Variants in STRN3 observed in about 807,000 individuals in gnomAD.
STRN3 encodes striatin 3.
In STRN3, 29 loss-of-function variants were observed where a neutral mutation model predicts 95.6. That is an observed-to-expected ratio of 0.30 (90% CI 0.23 to 0.41). The LOEUF is 0.41. Ranked by LOEUF, STRN3 falls within the 10% of genes least tolerant of loss-of-function variation. STRN3 has a pLI of 1.00. For missense variants in STRN3, 890 were observed against 972.1 expected (o/e 0.92, Z 1.12); for synonymous variants, 331 against 357.6 (o/e 0.93, Z 0.84).
intron 1 of STRN3, among the ~76,000 whole-genome samples, chr14:30,984,281 A>AC (rs1343622461): frequency 1.3e-5 from 2 of 149,820 alleles, no homozygotes; most frequent in Admixed American, 6.6e-5. Flanking sequence ...AAAAAAAAAA[A>AC]AAAAAAAAAA....
At chr14:30,984,926 G>C (rs902266120) in intron 1 of STRN3, among the ~76,000 whole-genome samples, 3 of 152,134 alleles carry the variant, frequency 2.0e-5, no homozygotes, top group Non-Finnish European at 4.4e-5. Context: ...ATGAGGATTA[G>C]GCATTTAGAA....
intron 5 of STRN3, among the ~76,000 whole-genome samples, chr14:30,946,276 C>T (rs1879353547): frequency 2.0e-5 from 3 of 152,200 alleles, no homozygotes; most frequent in African/African-American, 7.2e-5. Context: ...GGTACGGTGG[C>T]TCATGCCTGT....
intron 8 of STRN3, among the ~76,000 whole-genome samples, chr14:30,921,079 C>CACACAA (rs1896871133): frequency 8.8e-6 from 1 of 113,418 alleles, no homozygotes; most frequent in Non-Finnish European, 2.1e-5. Context: ...TATACACACA[C>CACACAA]ACACACACAC....
At chr14:30,965,397 T>C (rs1369561996) in intron 1 of STRN3, among the ~76,000 whole-genome samples, 1 of 152,138 alleles carries the variant, frequency 6.6e-6, no homozygotes. Flanking sequence ...GGTTGGCTCC[T>C]TAAGTGCATG....
At chr14:30,970,482 A>G (rs1196079309) in intron 1 of STRN3, among the ~76,000 whole-genome samples, 1 of 152,132 alleles carries the variant, frequency 6.6e-6, no homozygotes, top group Non-Finnish European at 1.5e-5. Flanking sequence ...AGCTAAACCA[A>G]TGCAATCCTA....
At chr14:30,942,397 G>C (rs113172853) in intron 5 of STRN3, among the ~76,000 whole-genome samples, 1,911 of 152,210 alleles carry the variant, frequency 0.013, 22 homozygotes, top group Non-Finnish European at 0.019. Context: ...TCATTCTAAA[G>C]AGACAACAGA....
rs1896352189 is a variant in STRN3, at chr14:30,902,538, GT to G, written c.2134del (p.Thr712ArgfsTer4). ...TGAAAAGAAGACAATTTGCTTACCC[GT>G]TTTATTGTCAAAAAATTTGATGTGT... Reference protein sequence around the residue: ...DRHIKFFDNKTGKMIHSMVAH... With the variant: ...DRHIKFFDNKXGKMIHSMVAH... On this transcript the variant is annotated frameshift_variant, in exon 16 of 18. Transcript: ENST00000357479. LOFTEE classifies it high-confidence loss of function. The G allele has an allele frequency of 1.3e-6, 2 of 1,581,434 alleles. No homozygotes were observed. Among genetic ancestry groups the G allele is most frequent in the Non-Finnish European group, 8.6e-7 (1 of 1,163,652 alleles).
intron 3 of STRN3, among the ~76,000 whole-genome samples, chr14:30,952,667 T>C (rs2139131926): frequency 6.6e-6 from 1 of 151,894 alleles, no homozygotes; most frequent in Admixed American, 6.6e-5. Context: ...ACCATTGCAC[T>C]CCAGCCTGGG....
chr14:30,942,747 C>T (rs1285838791), intron 5 of STRN3, among the ~76,000 whole-genome samples: 1 of 152,024 alleles, frequency 6.6e-6, no homozygotes, highest in African/African-American at 2.4e-5. Flanking sequence ...ACAATAGTGC[C>T]ACTCACTCGA....
intron 5 of STRN3, among the ~76,000 whole-genome samples, chr14:30,938,852 T>G (rs751107021): frequency 6.6e-6 from 1 of 152,164 alleles, no homozygotes; most frequent in Non-Finnish European, 1.5e-5. Flanking sequence ...CAAATAAGCA[T>G]ATGAACAGAT....
rs145507996 is a variant in STRN3, at chr14:30,906,638, T to C, written c.1888+239A>G. Among the ~76,000 whole-genome samples, 987 of 152,236 alleles carry C rather than the reference T, an allele frequency of 6.5e-3. 12 individuals carry two copies. Among genetic ancestry groups the C allele is most frequent in the Non-Finnish European group, 9.0e-3 (615 of 68,024 alleles). On this transcript the variant is annotated intron_variant, in intron 14 of 17. Coordinates refer to ENST00000357479, the MANE Select transcript of STRN3 (RefSeq NM_001083893.2). ...TCCTCATTTGTCTATTCCACTGTTA[T>C]ATACAATAGTTTTACATTTTTAAAA... is the stretch of plus-strand genomic sequence containing the variant.
intron 1 of STRN3, among the ~76,000 whole-genome samples, chr14:30,973,584 A>C (rs549694635): frequency 5.9e-5 from 9 of 152,320 alleles, no homozygotes; most frequent in African/African-American, 2.2e-4. Context: ...ACTTTTCCAA[A>C]AATCTGAAGA....
chr14:30,997,013 T>TA (rs932798193), intron 1 of STRN3, among the ~76,000 whole-genome samples: 37 of 145,048 alleles, frequency 2.6e-4, no homozygotes, highest in South Asian at 4.3e-4. Flanking sequence ...TAATAGACAA[T>TA]AAAAAAAAAA....
chr14:31,007,248 G>T (rs1234745074), intron 1 of STRN3, among the ~76,000 whole-genome samples: 3 of 152,198 alleles, frequency 2.0e-5, no homozygotes, highest in Non-Finnish European at 4.4e-5. Flanking sequence ...TTGAGAACAA[G>T]TCTACATCAG....
At chr14:30,925,822 T>C (rs768202681) in intron 8 of STRN3, among the ~76,000 whole-genome samples, 32 of 151,230 alleles carry the variant, frequency 2.1e-4, no homozygotes, top group Non-Finnish European at 4.0e-4. Flanking sequence ...TAAGCAAAAA[T>C]TTTTTTAAAG....
intron 1 of STRN3, among the ~76,000 whole-genome samples, chr14:31,003,213 G>C (rs1175795472): frequency 2.7e-5 from 4 of 147,652 alleles, no homozygotes; most frequent in African/African-American, 7.5e-5. Context: ...AGTGAGCCAA[G>C]ACCACGCCAC....
chr14:30,955,531 T>A, intron 3 of STRN3, 89 bp downstream of exon 3: 1 of 1,136,850 alleles, frequency 8.8e-7, no homozygotes, highest in Admixed American at 3.0e-5. Flanking sequence ...TCTCTAATAT[T>A]ATCAAACCAA....
At position 30,894,998 on chromosome 14, in the gene STRN3, C is replaced by A; in HGVS notation, c.*413G>T. On this transcript the variant is annotated 3_prime_UTR_variant, in exon 18 of 18. Transcript: ENST00000357479. ...ATGAAAAAAAGCTACTCTTGGAGCT[C>A]ACTTCCCCCAACAAGAGCACCACAT... The A allele has an allele frequency of 1.6e-6, 1 of 612,048 alleles. No homozygotes were observed. Among genetic ancestry groups the A allele is most frequent in the Non-Finnish European group, 2.1e-6 (1 of 471,728 alleles). 37.9% of individuals were successfully genotyped at this position (612,048 alleles called of 1,614,324 possible).
Position 30,955,660 on chromosome 14 carries a change from T to G in STRN3, c.420A>C (p.Glu140Asp), listed in dbSNP as rs772735786. Residue 140 changes from glutamate (E) to aspartate (D), a missense_variant, in exon 3 of 18, where the codon GAA (glutamate) becomes GAC (aspartate). Glu to Asp is a conservative substitution (Grantham distance 45, BLOSUM62 2). This residue lies in a region of STRN3 where 526 missense variants were observed against 526.3 expected (regional missense o/e 1.00). Transcript: ENST00000357479. ...GCATTTTCAAGTCACCTTGGTTCAG[T>G]TCCGTGCCATATTTTAATTTGTGAT... ...AKYHKLKYGTELNQGDLKMPT... is the reference protein window; with the variant it reads ...AKYHKLKYGTDLNQGDLKMPT... 11 of 1,584,814 alleles carry G rather than the reference T, an allele frequency of 6.9e-6. No individual in the cohort carries two copies. Among genetic ancestry groups the G allele is most frequent in the Non-Finnish European group, 8.5e-6 (10 of 1,171,046 alleles).
Sources: gnomAD v4.1 joint callset for allele counts (sites outside exome capture counted in the v4.1 genomes callset) on GRCh38, gnomAD v4.1.1 for gene constraint, gnomAD v4.1.1 regional missense constraint, MANE v1.5 for transcripts, NCBI Gene and HGNC (gene_info 2026-07-23, HGNC 2026-07-21) for gene names.